Variants in PTPRD observed in about 807,000 individuals in gnomAD.
PTPRD encodes the protein protein tyrosine phosphatase receptor type D, also known as receptor-type tyrosine-protein phosphatase delta.
PTPRD carries 34 observed loss-of-function variants against 214.5 expected under a neutral mutation model. That is an observed-to-expected ratio of 0.16 (90% CI 0.12 to 0.21). The LOEUF (loss-of-function observed/expected upper bound fraction) is 0.21, where lower values mean the gene tolerates loss of function less well. Among genes scored for constraint, PTPRD ranks in the 10% least tolerant of loss-of-function variants. The probability of loss-of-function intolerance (pLI) is 1.00; values close to 1 mark genes in which losing one functional copy is unlikely to be tolerated. For missense variants in PTPRD, 2,545 were observed against 2,398.7 expected (o/e 1.06, Z -1.27); for synonymous variants, 1,128 against 845.7 (o/e 1.33, Z -5.79).
At chr9:10,220,108 A>T (rs1367572457) in intron 3 of PTPRD, among the ~76,000 whole-genome samples, 1 of 151,894 alleles carries the variant, frequency 6.6e-6, no homozygotes, top group Non-Finnish European at 1.5e-5. Context: ...ATAGTATCTC[A>T]ATTTACATAA....
intron 2 of PTPRD, among the ~76,000 whole-genome samples, chr9:10,596,960 T>C (rs1314661623): frequency 6.6e-6 from 1 of 151,534 alleles, no homozygotes; most frequent in Admixed American, 6.6e-5. Context: ...CATAAATATT[T>C]ATAGGTGTTT....
At position 8,911,915 on chromosome 9, in the gene PTPRD, G is replaced by T. The variant is rs533326180; in HGVS notation, c.-104+106782C>A. On this transcript the variant is annotated intron_variant, in intron 11 of 45. Transcript: ENST00000381196. ...TGATTAATAAAAAAATTCTCGCTTC[G>T]TTAGTCATTAGATAAATGCCCATTA... 8.1e-4 allele frequency among the ~76,000 whole-genome samples: 124 copies of T among 152,158 alleles called. 1 individual carries two copies. Among genetic ancestry groups the T allele is most frequent in the Non-Finnish European group, 1.4e-3 (96 of 67,998 alleles).
At chr9:8,446,746 A>T (rs2095744467) in intron 34 of PTPRD, among the ~76,000 whole-genome samples, 3 of 152,208 alleles carry the variant, frequency 2.0e-5, no homozygotes. Context: ...ATAATTTAAA[A>T]ACCTAAAAAT....
intron 7 of PTPRD, among the ~76,000 whole-genome samples, chr9:9,615,049 G>A (rs1302542789): frequency 6.6e-6 from 1 of 152,146 alleles, no homozygotes; most frequent in Non-Finnish European, 1.5e-5. Context: ...AGAAGGGTCA[G>A]CAACGTGGGT....
chr9:8,476,567 T>C (rs1234101950), intron 30 of PTPRD, among the ~76,000 whole-genome samples: 1 of 152,218 alleles, frequency 6.6e-6, no homozygotes, highest in South Asian at 2.1e-4. Context: ...TAACTGATTA[T>C]TTTCTAAGTG....
chr9:8,716,958 G>A (rs2098443343), intron 12 of PTPRD, among the ~76,000 whole-genome samples: 3 of 152,130 alleles, frequency 2.0e-5, no homozygotes, highest in Admixed American at 2.0e-4. Flanking sequence ...TTAAGCCCAA[G>A]AGTTCAAGAC....
chr9:9,034,610 C>T (rs73430116), intron 10 of PTPRD, among the ~76,000 whole-genome samples: 8,550 of 152,160 alleles, frequency 0.056, 467 homozygotes, highest in African/African-American at 0.14. Flanking sequence ...TGGTGACGGC[C>T]TTTTCTTCCA....
intron 10 of PTPRD, among the ~76,000 whole-genome samples, chr9:9,076,757 T>C (rs895184868): frequency 1.3e-5 from 2 of 151,736 alleles, no homozygotes; most frequent in Non-Finnish European, 2.9e-5. Context: ...GCAATAAACA[T>C]GGAAGTGCAG....
At chr9:9,740,141 T>G (rs1037267009) in intron 6 of PTPRD, among the ~76,000 whole-genome samples, 1 of 152,174 alleles carries the variant, frequency 6.6e-6, no homozygotes, top group African/African-American at 2.4e-5. Flanking sequence ...TATACATAAA[T>G]TACCTTAAAT....
rs143419383 is a variant in PTPRD, at chr9:10,267,798, T to C, written c.-545+73165A>G. Among the ~76,000 whole-genome samples the C allele has an allele frequency of 1.2e-4, 19 of 152,314 alleles. No homozygotes were observed. The East Asian group carries it at 3.7e-3, about 29-fold the overall frequency. ...GAAGACCAACAATAAGAAAATGCTGTATACATTTAATAAACTATCTGGCCA... is the reference window on the plus strand; with the variant it reads ...GAAGACCAACAATAAGAAAATGCTGCATACATTTAATAAACTATCTGGCCA... On this transcript the variant is annotated intron_variant, in intron 3 of 45. Transcript: ENST00000381196.
intron 9 of PTPRD, among the ~76,000 whole-genome samples, chr9:9,379,196 G>A (rs1031731906): frequency 1.4e-5 from 2 of 145,192 alleles, no homozygotes; most frequent in Non-Finnish European, 3.0e-5. Flanking sequence ...TCTATGTTGA[G>A]ATATATATAT....
chr9:9,796,412 A>G (rs1394153182), intron 5 of PTPRD, among the ~76,000 whole-genome samples: 1 of 152,178 alleles, frequency 6.6e-6, no homozygotes, highest in East Asian at 1.9e-4. Flanking sequence ...ACGGGAAGAA[A>G]TATCCGGGAG....
At chr9:9,391,778 A>T (rs1468532741) in intron 9 of PTPRD, among the ~76,000 whole-genome samples, 1 of 152,200 alleles carries the variant, frequency 6.6e-6, no homozygotes, top group Non-Finnish European at 1.5e-5. Flanking sequence ...TAGTCATAAT[A>T]GAGGGAAATG....
chr9:9,500,160 G>A (rs1322534611), intron 8 of PTPRD, among the ~76,000 whole-genome samples: 1 of 151,882 alleles, frequency 6.6e-6, no homozygotes, highest in African/African-American at 2.4e-5. Flanking sequence ...TTTCATTCAG[G>A]AGCTATTTTA....
chr9:8,859,308 A>G (rs532975929), intron 11 of PTPRD, among the ~76,000 whole-genome samples: 22 of 152,336 alleles, frequency 1.4e-4, no homozygotes, highest in African/African-American at 4.8e-4. Flanking sequence ...TGCACTCTTC[A>G]TCCACACAAC....
rs71500962 is a variant in PTPRD at position 8,726,026 on chromosome 9, G to GACACAC, written c.64+7748_64+7753dup. On this transcript the variant is annotated intron_variant, in intron 12 of 45. Transcript: ENST00000381196. ...CACATAGCAGACAGACAGACAGACA[G>GACACAC]ACACACACACACACACACACACACA... 2.7e-3 allele frequency among the ~76,000 whole-genome samples: 381 copies of GACACAC among 139,566 alleles called. 7 individuals are homozygous for GACACAC. The highest frequency in any genetic ancestry group is 0.021 in the East Asian group (104 of 4,870). 91.6% of individuals were successfully genotyped at this position (139,566 alleles called of 152,430 possible).
chr9:9,966,576 G>A (rs189189999), intron 4 of PTPRD, among the ~76,000 whole-genome samples: 2 of 152,116 alleles, frequency 1.3e-5, no homozygotes, highest in South Asian at 4.1e-4. Context: ...AAAAAGATAT[G>A]CCCTGCTTAT....
chr9:9,373,532 T>A lies in PTPRD; in HGVS notation c.-203+23917A>T, dbSNP rs1370388382. On this transcript the variant is annotated intron_variant, in intron 9 of 45. Coordinates refer to ENST00000381196, the MANE Select transcript of PTPRD (RefSeq NM_002839.4). Reference sequence around the variant, plus strand: ...TATTCAGGACTGGTTCTTTCTGGAGTCTCCCAGGGAGAATTAATTTCTTGT... The same window carrying A: ...TATTCAGGACTGGTTCTTTCTGGAGACTCCCAGGGAGAATTAATTTCTTGT... 2.0e-5 allele frequency among the ~76,000 whole-genome samples: 3 copies of A among 151,874 alleles called. No individual in the cohort carries two copies. In the Admixed American group the frequency reaches 2.0e-4, roughly 10 times the overall value.
At chr9:9,080,934 C>CA (rs1323767093) in intron 10 of PTPRD, among the ~76,000 whole-genome samples, 1 of 151,800 alleles carries the variant, frequency 6.6e-6, no homozygotes, top group Admixed American at 6.6e-5. Context: ...TTAATCTTTT[C>CA]AAAAAAACAG....
Sources: gnomAD v4.1 joint callset for allele counts (sites outside exome capture counted in the v4.1 genomes callset) on GRCh38, gnomAD v4.1.1 for gene constraint, MANE v1.5 for transcripts, NCBI Gene and HGNC (gene_info 2026-07-23, HGNC 2026-07-21) for gene names.